The following ADGB variants were observed in gnomAD, a reference collection of about 807,000 sequenced individuals.
ADGB encodes the protein calpain-7-like protein.
Under a neutral mutation model 210.5 loss-of-function variants are expected in ADGB, and 172 were observed. That is an observed-to-expected ratio of 0.82 (90% CI 0.72 to 0.93). The LOEUF is 0.93. Among genes scored for constraint, ADGB ranks in the 40% least tolerant of loss-of-function variants. The pLI is 0.00. For synonymous variants in ADGB, 658 were observed against 662.7 expected, an observed-to-expected ratio of 0.99 and a Z score of 0.11; for missense variants, 2,025 against 1,964.8, an observed-to-expected ratio of 1.03 and a Z score of -0.58.
chr6:146,748,462 T>C (rs1380333017), intron 26 of ADGB, among the ~76,000 whole-genome samples: 1 of 152,190 alleles, frequency 6.6e-6, no homozygotes, highest in Admixed American at 6.6e-5. Context: ...AGAACCTGTT[T>C]CGTGACTTTC....
chr6:146,657,203 G>A (rs923534818), intron 5 of ADGB, among the ~76,000 whole-genome samples: 2 of 151,990 alleles, frequency 1.3e-5, no homozygotes, highest in African/African-American at 2.4e-5. Flanking sequence ...GTGGGTGCCT[G>A]TAATCCCACC....
intron 17 of ADGB, among the ~76,000 whole-genome samples, chr6:146,723,622 C>T (rs967516161): frequency 7.2e-5 from 11 of 152,030 alleles, no homozygotes; most frequent in African/African-American, 2.4e-4. Flanking sequence ...CTGTAATCCC[C>T]GGTACTCCAG....
Position 146,741,225 on chromosome 6 carries a change from C to G in ADGB, c.3131C>G (p.Pro1044Arg), listed in dbSNP as rs1338936228. The G allele has an allele frequency of 3.9e-6, 6 of 1,550,942 alleles. No individual in the cohort carries two copies. The highest frequency in any genetic ancestry group is 5.2e-6 in the Non-Finnish European group (6 of 1,146,578). Residue 1044 changes from proline (P) to arginine (R), a missense_variant, in exon 25 of 36, where the codon CCA (proline) becomes CGA (arginine). Pro to Arg is a moderately radical substitution (Grantham distance 103). Transcript: ENST00000397944. ...IVNNDTMEQV[P>R]KVFQKVVPYL... is the part of the protein sequence containing the mutation. ...AATAATGACACAATGGAGCAAGTGC[C>G]AAAGGTGTTCCAAAAAGTGGTGCCT...
In ADGB at chr6:146,680,714, A is replaced by T. The variant is rs528651647; in HGVS notation, c.1216+4273A>T. 3.3e-5 allele frequency among the ~76,000 whole-genome samples: 5 copies of T among 152,328 alleles called. No individual in the cohort carries two copies. The South Asian group carries it at 1.0e-3, about 32-fold the overall frequency. ...TATTCTAGGCAGTGTTAAGTTTGTA[A>T]TATCTACTGTTAGCAAGATATTTCA... On this transcript the variant is annotated intron_variant, in intron 9 of 35. Coordinates refer to ENST00000397944, the MANE Select transcript of ADGB (RefSeq NM_024694.4).
chr6:146,755,392 G>T (rs147124799), intron 27 of ADGB, among the ~76,000 whole-genome samples: 5 of 152,174 alleles, frequency 3.3e-5, no homozygotes, highest in East Asian at 1.9e-4. Context: ...GAGGTGATTA[G>T]ACCATGGGAT....
At chr6:146,649,626 G>A (rs1775671024) in intron 3 of ADGB, among the ~76,000 whole-genome samples, 1 of 151,744 alleles carries the variant, frequency 6.6e-6, no homozygotes, top group African/African-American at 2.4e-5. Context: ...AAGTTGCTGG[G>A]ACCATAGACA....
intron 25 of ADGB, among the ~76,000 whole-genome samples, chr6:146,743,433 T>A (rs1777186155): frequency 6.6e-6 from 1 of 152,198 alleles, no homozygotes; most frequent in South Asian, 2.1e-4. Context: ...ATTGTAGACA[T>A]CCCTCTCTAG....
chr6:146,720,042 T>C (rs1159966928), intron 16 of ADGB, among the ~76,000 whole-genome samples: 4 of 151,206 alleles, frequency 2.6e-5, no homozygotes, highest in African/African-American at 4.9e-5. Flanking sequence ...TACATATTTG[T>C]TTTTCATATA....
At chr6:146,797,896 T>G (rs1778069920) in intron 33 of ADGB, among the ~76,000 whole-genome samples, 1 of 151,712 alleles carries the variant, frequency 6.6e-6, no homozygotes, top group South Asian at 2.1e-4. Context: ...TTATATCCTG[T>G]TCCCAAAAAA....
At chr6:146,752,746 A>G (rs1583622673) in intron 27 of ADGB, 32 bp downstream of exon 27, 1 of 1,470,536 alleles carries the variant, frequency 6.8e-7, no homozygotes. Flanking sequence ...GGATAGTTAG[A>G]TTCATAAATG....
chr6:146,705,401 G>A (rs573956881), intron 13 of ADGB, among the ~76,000 whole-genome samples: 26 of 152,170 alleles, frequency 1.7e-4, no homozygotes, highest in African/African-American at 6.3e-4. Flanking sequence ...GAGTATGTTA[G>A]CTATGAGTTT....
intron 31 of ADGB, 27 bp from the exon 32 acceptor site, chr6:146,785,583 A>G (rs1194714283): frequency 6.5e-7 from 1 of 1,530,368 alleles, no homozygotes; most frequent in Non-Finnish European, 8.9e-7. Flanking sequence ...AAGAGCTTTT[A>G]AAAAGCTGCT....
intron 35 of ADGB, among the ~76,000 whole-genome samples, chr6:146,805,702 A>G (rs931029695): frequency 6.6e-6 from 1 of 152,110 alleles, no homozygotes; most frequent in Non-Finnish European, 1.5e-5. Context: ...TTCTTTCCCC[A>G]AAGTGTAGAA....
At chr6:146,688,314 A>C (rs2114918949) in intron 10 of ADGB, among the ~76,000 whole-genome samples, 1 of 152,276 alleles carries the variant, frequency 6.6e-6, no homozygotes, top group Middle Eastern at 3.4e-3. Flanking sequence ...TGAAAGACAT[A>C]ACAGAAACAT....
At chr6:146,621,787 A>AT (rs542877843) in intron 1 of ADGB, among the ~76,000 whole-genome samples, 19 of 151,860 alleles carry the variant, frequency 1.3e-4, no homozygotes, top group African/African-American at 2.4e-4. Context: ...ATATTCCATG[A>AT]TTTTTTTTCA....
intron 32 of ADGB, among the ~76,000 whole-genome samples, chr6:146,787,173 C>A (rs985675652): frequency 3.9e-5 from 6 of 152,160 alleles, no homozygotes; most frequent in Non-Finnish European, 5.9e-5. Flanking sequence ...GACCCTGACC[C>A]TGTCATAGAA....
At position 146,764,142 on chromosome 6, in the gene ADGB, C is replaced by T. The variant is rs1777541457; in HGVS notation, c.3750+42C>T. 4 of 1,456,490 alleles carry T rather than the reference C, an allele frequency of 2.7e-6. No individual in the cohort carries two copies. In the South Asian group the frequency reaches 5.4e-5, roughly 20 times the overall value. The allele number at this position is 1,456,490 out of a possible 1,614,324, so 90.2% of individuals were successfully genotyped here. On this transcript the variant is annotated intron_variant, in intron 28 of 35. Transcript: ENST00000397944. Reference sequence around the variant, plus strand: ...TGTTCAATTGGACTGTTCCTAAAACCCTAACATAAAACAAAACAATCATTT... The same window carrying T: ...TGTTCAATTGGACTGTTCCTAAAACTCTAACATAAAACAAAACAATCATTT...
chr6:146,635,508 A>C lies in ADGB; in HGVS notation c.208A>C (p.Lys70Gln). 6.5e-7 allele frequency: 1 copy of C among 1,547,424 alleles called. No homozygotes were observed. The highest frequency in any genetic ancestry group is 2.5e-5 in the East Asian group (1 of 40,744). ...KWDAGKGAKE[K>Q]DKTGKSPVFH... ...GGATGCAGGCAAAGGTGCAAAAGAAAAGGACAAAACAGGAAAAAGCCCTGT... is the reference window on the plus strand; with the variant it reads ...GGATGCAGGCAAAGGTGCAAAAGAACAGGACAAAACAGGAAAAAGCCCTGT... The change falls in exon 2 of 36, where the codon AAG becomes CAG. Residue 70 changes from lysine (K) to glutamine (Q), a missense_variant. Physicochemically the swap from Lys to Gln is moderately conservative, Grantham distance 53. Coordinates refer to ENST00000397944, the MANE Select transcript of ADGB (RefSeq NM_024694.4).
chr6:146,748,008 C>T (rs111460963), intron 26 of ADGB, among the ~76,000 whole-genome samples: 12 of 151,852 alleles, frequency 7.9e-5, no homozygotes, highest in African/African-American at 2.9e-4. Flanking sequence ...GTCTCAAACT[C>T]CTGGCCTCAA....
Sources: allele counts gnomAD v4.1 joint callset (sites outside exome capture counted in the v4.1 genomes callset), GRCh38; gene constraint gnomAD v4.1.1; transcripts MANE v1.5; gene names NCBI Gene and HGNC (gene_info 2026-07-23, HGNC 2026-07-21).